The following CNOT1 variants were observed in gnomAD, a reference collection of about 807,000 sequenced individuals.
The protein encoded by CNOT1 is CCR4-associated factor 1.
CNOT1 carries 15 observed loss-of-function variants against 273.8 expected under a neutral mutation model. That is an observed-to-expected ratio of 0.05 (90% CI 0.04 to 0.08). The LOEUF (loss-of-function observed/expected upper bound fraction) is 0.08, where lower values mean the gene tolerates loss of function less well. Ranked by LOEUF, CNOT1 falls within the 10% of genes least tolerant of loss-of-function variation. The probability of loss-of-function intolerance (pLI) is 1.00; values close to 1 mark genes in which losing one functional copy is unlikely to be tolerated. For synonymous variants in CNOT1, 1,022 were observed against 1,005.5 expected (o/e 1.02, Z -0.31); for missense variants, 1,644 against 2,912.2 (o/e 0.56, Z 10.02).
chr16:58,564,828 C>T (rs891546232), intron 16 of CNOT1, among the ~76,000 whole-genome samples: 9 of 151,880 alleles, frequency 5.9e-5, no homozygotes, highest in African/African-American at 9.7e-5. Flanking sequence ...CCCAACTACT[C>T]GGGAGGCTGA....
intron 40 of CNOT1, 115 bp from the exon 41 acceptor site, chr16:58,532,510 T>C (rs887771785): frequency 4.8e-6 from 7 of 1,454,514 alleles, no homozygotes; most frequent in Admixed American, 2.5e-5. Context: ...AAAGCATATA[T>C]ACAATTTGAA....
rs768647769 is a variant in CNOT1, at chr16:58,555,771, C to T, written c.2604+13G>A. ...CCTAAACAATAAATAAGTAGATCAT[C>T]CTAGACACTCACCTCATCAACAGAC... On this transcript the variant is annotated intron_variant, in intron 20 of 48. Transcript: ENST00000317147. The T allele has an allele frequency of 2.5e-6, 4 of 1,613,596 alleles. No homozygotes were observed. The Admixed American group carries it at 6.7e-5, about 27-fold the overall frequency.
intron 16 of CNOT1, among the ~76,000 whole-genome samples, chr16:58,561,758 A>C (rs1271109525): frequency 2.0e-5 from 3 of 152,208 alleles, no homozygotes; most frequent in Non-Finnish European, 1.5e-5. Flanking sequence ...AGTAAGTATA[A>C]TGCAAATGGT....
At chr16:58,530,464 CTAATGT>C in intron 42 of CNOT1, 117 bp from the exon 43 acceptor site, 1 of 637,818 alleles carries the variant, frequency 1.6e-6, no homozygotes, top group Non-Finnish European at 2.6e-6. Flanking sequence ...GTAGAGAATA[CTAATGT>C]TAAGTACTTT....
At chr16:58,607,603 G>A (rs1246426803) in intron 1 of CNOT1, among the ~76,000 whole-genome samples, 1 of 151,542 alleles carries the variant, frequency 6.6e-6, no homozygotes, top group Non-Finnish European at 1.5e-5. Context: ...GCATATGCTT[G>A]TAATCCCAGC....
intron 44 of CNOT1, among the ~76,000 whole-genome samples, chr16:58,526,511 TAAAAAAAAAA>T (rs57367601): frequency 2.2e-4 from 18 of 80,816 alleles, no homozygotes; most frequent in African/African-American, 3.7e-4. Flanking sequence ...ACTTACTCCT[TAAAAAAAAAA>T]AAAAAAAAAA....
chr16:58,625,991 G>T (rs2043563276), intron 1 of CNOT1, among the ~76,000 whole-genome samples: 1 of 152,106 alleles, frequency 6.6e-6, no homozygotes, highest in Non-Finnish European at 1.5e-5. Context: ...TATATATAGA[G>T]TCACTCAATG....
At chr16:58,546,553 C>T (rs1567398226) in intron 28 of CNOT1, 55 bp from the exon 29 acceptor site, 3 of 1,602,348 alleles carry the variant, frequency 1.9e-6, no homozygotes, top group Non-Finnish European at 2.6e-6. Context: ...TAGTTTTACT[C>T]ATAATATACT....
chr16:58,543,352 T>C (rs2040154486), intron 31 of CNOT1: 1 of 1,548,398 alleles, frequency 6.5e-7, no homozygotes, highest in South Asian at 1.2e-5. Flanking sequence ...TTAATTTATT[T>C]AAACCAACAA....
chr16:58,553,107 T>C (rs893796227), intron 22 of CNOT1, among the ~76,000 whole-genome samples: 9 of 151,958 alleles, frequency 5.9e-5, no homozygotes, highest in Admixed American at 2.0e-4. Flanking sequence ...ACCTCGTCTC[T>C]ACAAAAATAC....
In CNOT1 at chr16:58,558,610, C is replaced by T. The variant is rs1234663186; in HGVS notation, c.2195G>A (p.Ser732Asn). ...CAAATTTGGAGGAAAACCCTGCATA[C>T]TCTGGGTGTGAGGGGCAGCTGAACC... ...IGGSAAPHTQ[S>N]MQGFPPNLGS... Residue 732 changes from serine to asparagine, a missense_variant, in exon 18 of 49, where the codon AGT becomes AAT. This residue lies in a region of CNOT1 where 706 missense variants were observed against 1,021.2 expected (regional missense o/e 0.69). Coordinates refer to ENST00000317147, the MANE Select transcript of CNOT1 (RefSeq NM_016284.5). The T allele has an allele frequency of 6.2e-7, 1 of 1,613,208 alleles. No individual in the cohort carries two copies.
At chr16:58,618,904 T>A (rs2043195944) in intron 1 of CNOT1, among the ~76,000 whole-genome samples, 3 of 152,036 alleles carry the variant, frequency 2.0e-5, no homozygotes, top group Non-Finnish European at 4.4e-5. Flanking sequence ...AGAATTAATC[T>A]AATCCACGCC....
At chr16:58,603,408 AGTGTGTGT>A (rs200088613) in intron 1 of CNOT1, among the ~76,000 whole-genome samples, 7,248 of 96,446 alleles carry the variant, frequency 0.075, 275 homozygotes, top group East Asian at 0.23. Flanking sequence ...ACAATTTAAA[AGTGTGTGT>A]GTGTGTGTGT....
chr16:58,614,858 T>C lies in CNOT1; in HGVS notation c.-175+14870A>G, dbSNP rs2043020128. On this transcript the variant is annotated intron_variant, in intron 1 of 48. Coordinates refer to ENST00000317147, the MANE Select transcript of CNOT1 (RefSeq NM_016284.5). ...TGGAGTAGCTGGGACCACAGGCATA[T>C]GCCACTACGTCTAATTTTTTGTACT... is the stretch of plus-strand genomic sequence containing the variant. Among the ~76,000 whole-genome samples the C allele has an allele frequency of 1.6e-5, 2 of 123,420 alleles. 1 individual carries two copies. The highest frequency in any genetic ancestry group is 4.8e-4 in the South Asian group (2 of 4,168). The allele number at this position is 123,420 out of a possible 152,430, so 81.0% of individuals were successfully genotyped here. A position where few individuals can be genotyped will look rare whatever the true frequency, so the allele number is the denominator to read the frequency against.
chr16:58,522,555 AGTGT>A (rs10701404), intron 47 of CNOT1, among the ~76,000 whole-genome samples: 3 of 151,500 alleles, frequency 2.0e-5, no homozygotes, highest in African/African-American at 7.3e-5. Context: ...CAATTTTTAA[AGTGT>A]GTGTGTGTGT....
chr16:58,564,742 C>A (rs1361043002), intron 16 of CNOT1, among the ~76,000 whole-genome samples: 3 of 151,912 alleles, frequency 2.0e-5, no homozygotes, highest in Admixed American at 2.0e-4. Context: ...CCAGCCTGGC[C>A]AACATGATGA....
At chr16:58,525,435 C>T in intron 45 of CNOT1, 76 bp from the exon 46 acceptor site, 2 of 1,231,486 alleles carry the variant, frequency 1.6e-6, no homozygotes, top group East Asian at 2.5e-5. Flanking sequence ...TTTCTAAACC[C>T]TTCTTACACC....
rs764778814 is a variant in CNOT1 at position 58,560,179 on chromosome 16, A to C, written c.2130+33T>G. The C allele has an allele frequency of 1.9e-6, 3 of 1,607,482 alleles. No individual in the cohort carries two copies. The African/African-American group carries it at 4.0e-5, about 22-fold the overall frequency. On this transcript the variant is annotated intron_variant, in intron 17 of 48. Coordinates refer to ENST00000317147, the MANE Select transcript of CNOT1 (RefSeq NM_016284.5). Reference sequence around the variant, plus strand: ...CTTATTCTATTCCAAATCTATGGCAAATGAAGATGTATCAAATGTAGCACT... The same window carrying C: ...CTTATTCTATTCCAAATCTATGGCACATGAAGATGTATCAAATGTAGCACT...
intron 2 of CNOT1, among the ~76,000 whole-genome samples, chr16:58,598,227 C>T (rs1374660234): frequency 6.6e-6 from 1 of 152,042 alleles, no homozygotes; most frequent in Non-Finnish European, 1.5e-5. Flanking sequence ...GGTTAAACCT[C>T]ATCTCTACTA....
Sources: gnomAD v4.1 joint callset for allele counts (sites outside exome capture counted in the v4.1 genomes callset) on GRCh38, gnomAD v4.1.1 for gene constraint, gnomAD v4.1.1 regional missense constraint, MANE v1.5 for transcripts, NCBI Gene and HGNC (gene_info 2026-07-23, HGNC 2026-07-21) for gene names.